BRF1: variants seen among roughly 807,000 people sequenced by gnomAD.
BRF1 encodes BRF1 general transcription factor IIIB subunit, also known as transcription factor IIIB 90 kDa subunit.
BRF1 carries 59 observed loss-of-function variants against 81.7 expected under a neutral mutation model. The ratio of observed to expected loss-of-function variants is 0.72; its 90% CI spans 0.59 to 0.90. The LOEUF (loss-of-function observed/expected upper bound fraction) is 0.90, where lower values mean the gene tolerates loss of function less well. Among genes scored for constraint, BRF1 ranks in the 40% least tolerant of loss-of-function variants. The pLI is 0.00. For missense variants in BRF1, 1,050 were observed against 936.3 expected, an observed-to-expected ratio of 1.12 and a Z score of -1.58; for synonymous variants, 491 against 395.6, an observed-to-expected ratio of 1.24 and a Z score of -2.86.
intron 2 of BRF1, among the ~76,000 whole-genome samples, chr14:105,279,085 C>T (rs767272843): frequency 6.6e-6 from 1 of 151,772 alleles, no homozygotes; most frequent in African/African-American, 2.4e-5. Context: ...GGCATGTACA[C>T]GTGATCCCAA....
chr14:105,252,681 G>C, intron 4 of BRF1, 102 bp from the exon 5 acceptor site: 1 of 1,263,648 alleles, frequency 7.9e-7, no homozygotes, highest in Non-Finnish European at 1.1e-6. Flanking sequence ...TAAAGACTCC[G>C]ATGGCCCGTG....
intron 15 of BRF1, chr14:105,212,400 G>T: frequency 1.9e-6 from 1 of 519,758 alleles, no homozygotes; most frequent in Non-Finnish European, 3.4e-6. Context: ...AAACACAGAA[G>T]CTGCAGACGC....
intron 15 of BRF1, among the ~76,000 whole-genome samples, chr14:105,215,686 C>T (rs1438183661): frequency 6.8e-6 from 1 of 147,332 alleles, no homozygotes; most frequent in South Asian, 2.2e-4. Context: ...CACACACATG[C>T]ACACAAATAC....
intron 15 of BRF1, among the ~76,000 whole-genome samples, chr14:105,214,812 G>T (rs587725105): frequency 4.1e-4 from 62 of 152,300 alleles, no homozygotes; most frequent in Non-Finnish European, 5.9e-4. Flanking sequence ...CTCCTTGATG[G>T]TCCCTCCCCA....
At position 105,218,888 on chromosome 14, in the gene BRF1, C is replaced by T. The variant is rs377436720; in HGVS notation, c.1515+110G>A. On this transcript the variant is annotated intron_variant, in intron 14 of 17. Transcript: ENST00000547530. Reference sequence around the variant, plus strand: ...GAGCACATGGCCTCCGGCTGCCTGCCCTGGGGCCTAGACCCTCCTGTCACA... The same window carrying T: ...GAGCACATGGCCTCCGGCTGCCTGCTCTGGGGCCTAGACCCTCCTGTCACA... 2.9e-4 allele frequency: 435 copies of T among 1,497,004 alleles called. 1 individual carries two copies. The Middle Eastern group carries it at 5.6e-3, about 19-fold the overall frequency. 92.7% of individuals were successfully genotyped at this position (1,497,004 alleles called of 1,614,324 possible).
At chr14:105,290,940 G>A (rs761375843) in intron 1 of BRF1, among the ~76,000 whole-genome samples, 3 of 152,116 alleles carry the variant, frequency 2.0e-5, no homozygotes, top group Admixed American at 6.6e-5. Flanking sequence ...CATGTGGACA[G>A]TGTGAAACCT....
In BRF1 at chr14:105,212,099, G is replaced by T. The variant is rs376321122; in HGVS notation, c.1824+14C>A. 2 of 1,612,018 alleles carry T rather than the reference G, an allele frequency of 1.2e-6. No homozygotes were observed. Among genetic ancestry groups the T allele is most frequent in the Non-Finnish European group, 1.7e-6 (2 of 1,179,326 alleles). ...CCCAAGGTCTCCCTGCCCTGGCTGC[G>T]TGGGACAACACACCTCTCCCGTGGC... On this transcript the variant is annotated intron_variant, in intron 16 of 17. Transcript: ENST00000547530.
chr14:105,295,661 G>A (rs900557186), intron 1 of BRF1, among the ~76,000 whole-genome samples: 6 of 151,796 alleles, frequency 4.0e-5, no homozygotes, highest in Non-Finnish European at 7.4e-5. Context: ...GTGCATGCCC[G>A]TAGTCCTAGC....
intron 15 of BRF1, 92 bp from the exon 16 acceptor site, chr14:105,212,256 T>G: frequency 6.7e-7 from 1 of 1,493,268 alleles, no homozygotes; most frequent in South Asian, 1.2e-5. Flanking sequence ...TTTCCCAGTG[T>G]TAATTGACTG....
intron 1 of BRF1, among the ~76,000 whole-genome samples, chr14:105,288,338 G>A (rs1317174231): frequency 2.0e-5 from 3 of 152,044 alleles, no homozygotes; most frequent in Admixed American, 6.5e-5. Context: ...TGTGATCCCA[G>A]CTACTCAGGA....
rs587634511 is a variant in BRF1 at position 105,284,093 on chromosome 14, G to A, written c.265+2203C>T. 6.6e-6 allele frequency among the ~76,000 whole-genome samples: 1 copy of A among 152,224 alleles called. No individual in the cohort carries two copies. The highest frequency in any genetic ancestry group is 2.1e-4 in the South Asian group (1 of 4,816). On this transcript the variant is annotated intron_variant, in intron 2 of 17. Coordinates refer to ENST00000547530, the MANE Select transcript of BRF1 (RefSeq NM_001519.4). The surrounding 1 kb of genome is among the most constrained non-coding windows in gnomAD (Gnocchi z 4.0). Reference sequence around the variant, plus strand: ...GACACAGAGAACCAGCCAGTGGAGAGGAAGAGGGATGTGCTGCGCTGCACC... The same window carrying A: ...GACACAGAGAACCAGCCAGTGGAGAAGAAGAGGGATGTGCTGCGCTGCACC...
At position 105,241,654 on chromosome 14, in the gene BRF1, C is replaced by T. The variant is rs1468301073; in HGVS notation, c.545-240G>A. On this transcript the variant is annotated intron_variant, in intron 5 of 17. Transcript: ENST00000547530. ...CAGCCTGCTGCAGACACGCTAGGGC[C>T]AGGCAGCGTGCTCCTACTGCATGGC... is the stretch of plus-strand genomic sequence containing the variant. 2.6e-5 allele frequency: 15 copies of T among 577,630 alleles called. No homozygotes were observed. The East Asian group carries it at 4.5e-4, about 17-fold the overall frequency. The allele number at this position is 577,630 out of a possible 1,614,324, so 35.8% of individuals were successfully genotyped here.
At chr14:105,216,387 A>C (rs1891310372) in intron 15 of BRF1, among the ~76,000 whole-genome samples, 2 of 152,180 alleles carry the variant, frequency 1.3e-5, no homozygotes. Context: ...CGAGCCACAG[A>C]CCTGCCCTGA....
intron 11 of BRF1, 126 bp from the exon 12 acceptor site, chr14:105,220,256 C>T: frequency 1.9e-6 from 2 of 1,028,316 alleles, no homozygotes; most frequent in Non-Finnish European, 2.9e-6. Context: ...GTCCCCTCCT[C>T]TGCACTGGTG....
chr14:105,279,643 T>C (rs2056986929), intron 2 of BRF1, among the ~76,000 whole-genome samples: 1 of 152,162 alleles, frequency 6.6e-6, no homozygotes, highest in Non-Finnish European at 1.5e-5. Context: ...CAGAAAACCC[T>C]GTGGCCCTAT....
In BRF1 at chr14:105,310,756, C is replaced by T. The variant is rs116653167; in HGVS notation, c.-162+4566G>A. On this transcript the variant is annotated intron_variant, in intron 1 of 17. Transcript: ENST00000327359. ...CCCTACACAATTAATACATGTTCAT[C>T]ATGGAGAAAATAGGAGATAAAGATA... Among the ~76,000 whole-genome samples, 674 of 152,186 alleles carry T rather than the reference C, an allele frequency of 4.4e-3. 9 individuals are homozygous for T. Among genetic ancestry groups the T allele is most frequent in the African/African-American group, 0.015 (637 of 41,500 alleles).
At chr14:105,249,665 C>G in intron 5 of BRF1, 1 of 1,612,752 alleles carries the variant, frequency 6.2e-7, no homozygotes, top group South Asian at 1.1e-5. Flanking sequence ...TGAGATCGAT[C>G]TGGAAGCCGA....
intron 1 of BRF1, among the ~76,000 whole-genome samples, chr14:105,297,185 G>A (rs959095241): frequency 2.0e-5 from 3 of 152,100 alleles, no homozygotes; most frequent in African/African-American, 7.2e-5. Context: ...GCTGTATGCT[G>A]AAAACTACCC....
chr14:105,226,398 G>A, intron 8 of BRF1, 108 bp from the exon 9 acceptor site: 1 of 1,509,930 alleles, frequency 6.6e-7, no homozygotes, highest in Non-Finnish European at 9.2e-7. Context: ...AGAACTTAGG[G>A]GTACGCAGCG....
Sources: allele counts gnomAD v4.1 joint callset (sites outside exome capture counted in the v4.1 genomes callset), GRCh38; gene constraint gnomAD v4.1.1; non-coding constraint Gnocchi (gnomAD v3.1); transcripts MANE v1.5; gene names NCBI Gene and HGNC (gene_info 2026-07-23, HGNC 2026-07-21).